TRAPPC9: variants seen among roughly 807,000 people sequenced by gnomAD.
TRAPPC9 encodes the protein IKK2 binding protein.
A neutral mutation model predicts 124.0 loss-of-function variants in TRAPPC9; 83 were observed. The ratio of observed to expected loss-of-function variants is 0.67; its 90% CI spans 0.56 to 0.80. TRAPPC9 has a LOEUF of 0.80. TRAPPC9 is among the 30% of genes least tolerant of loss of function. TRAPPC9 has a pLI of 0.00. For missense variants in TRAPPC9, 1,302 were observed against 1,508.3 expected (o/e 0.86, Z 2.27); for synonymous variants, 638 against 617.5 (o/e 1.03, Z -0.49).
intron 17 of TRAPPC9, among the ~76,000 whole-genome samples, chr8:140,198,550 C>T (rs1467220076): frequency 1.3e-5 from 2 of 152,142 alleles, no homozygotes; most frequent in Non-Finnish European, 2.9e-5. Flanking sequence ...TCAGCACTCC[C>T]GGCTCACTGG....
At chr8:140,038,510 G>A (rs1421156540) in intron 17 of TRAPPC9, among the ~76,000 whole-genome samples, 5 of 152,224 alleles carry the variant, frequency 3.3e-5, no homozygotes, top group Admixed American at 6.5e-5. Flanking sequence ...TACCTGCAGC[G>A]AACAACGCAT....
At chr8:139,822,741 T>G (rs1414726652) in intron 21 of TRAPPC9, among the ~76,000 whole-genome samples, 6 of 152,198 alleles carry the variant, frequency 3.9e-5, no homozygotes, top group Non-Finnish European at 8.8e-5. Flanking sequence ...ACATGGAGTC[T>G]TCAGACACCA....
Position 139,731,238 on chromosome 8 carries a change from G to A in TRAPPC9, c.3280-10C>T, listed in dbSNP as rs1817799120. The A allele has an allele frequency of 3.7e-6, 6 of 1,612,800 alleles. No individual in the cohort carries two copies. The highest frequency in any genetic ancestry group is 1.3e-5 in the African/African-American group (1 of 74,918). On this transcript the variant is annotated splice_polypyrimidine_tract_variant and intron_variant, in intron 22 of 22. Coordinates refer to ENST00000438773, the MANE Select transcript of TRAPPC9 (RefSeq NM_001160372.4). ...GGCCGGACGGCTGCACCTGAGCAGGGAGGAGAAAGACACATCAGTCTGGTC... is the reference window on the plus strand; with the variant it reads ...GGCCGGACGGCTGCACCTGAGCAGGAAGGAGAAAGACACATCAGTCTGGTC...
At chr8:140,065,666 T>C (rs1262445684) in intron 17 of TRAPPC9, among the ~76,000 whole-genome samples, 2 of 152,262 alleles carry the variant, frequency 1.3e-5, no homozygotes, top group African/African-American at 4.8e-5. Context: ...ACAGCGCATC[T>C]GTTTATAGCA....
chr8:140,113,851 A>G (rs2060828471), intron 17 of TRAPPC9, among the ~76,000 whole-genome samples: 1 of 152,188 alleles, frequency 6.6e-6, no homozygotes, highest in South Asian at 2.1e-4. Context: ...CCCTCAACTC[A>G]AAAGACCCTC....
chr8:140,040,917 A>T (rs1587567492), intron 17 of TRAPPC9: 1 of 152,194 alleles, frequency 6.6e-6, no homozygotes, highest in Non-Finnish European at 1.5e-5. Flanking sequence ...CGTTCAACAG[A>T]GGTGTCCACA....
At position 140,451,268 on chromosome 8, in the gene TRAPPC9, T is replaced by C. The variant is rs758750258; in HGVS notation, c.106A>G (p.Lys36Glu). 3 of 1,612,930 alleles carry C rather than the reference T, an allele frequency of 1.9e-6. No individual in the cohort carries two copies. The Admixed American group carries it at 5.0e-5, about 27-fold the overall frequency. Residue 36 changes from lysine to glutamate, a missense_variant, in exon 2 of 23, where the codon AAG becomes GAG. Around this residue, in one of 3 missense-constraint regions of TRAPPC9, gnomAD observed 657 missense variants for 811.2 expected, o/e 0.81. Transcript: ENST00000438773. ...ATCTGACTCACAGAGCAAATCCTCT[T>C]ATAGATCCTGAAGAAGTTCTCCTCG... ...VSEENFFRIYKRICSVSQISV... is the reference protein window; with the variant it reads ...VSEENFFRIYERICSVSQISV...
chr8:140,349,499 T>TG (rs2067477314), intron 9 of TRAPPC9, among the ~76,000 whole-genome samples: 1 of 151,322 alleles, frequency 6.6e-6, no homozygotes, highest in African/African-American at 2.4e-5. Context: ...CAGACGACCC[T>TG]GGCAGAGGTT....
chr8:140,310,522 G>A (rs947091843), intron 10 of TRAPPC9, among the ~76,000 whole-genome samples: 5 of 152,160 alleles, frequency 3.3e-5, no homozygotes, highest in Admixed American at 6.5e-5. Context: ...CCTAAGCCTT[G>A]AGTGGTGAAG....
At chr8:139,964,706 CAT>C (rs10608479) in intron 19 of TRAPPC9, among the ~76,000 whole-genome samples, 76,249 of 151,734 alleles carry the variant, frequency 0.5, 20,431 homozygotes, top group African/African-American at 0.7. Context: ...TTTAAGAAAA[CAT>C]AAAGAGATGA....
Position 140,450,948 on chromosome 8 carries a change from C to A in TRAPPC9, c.426G>T (p.Gln142His). The A allele has an allele frequency of 6.2e-7, 1 of 1,614,208 alleles. No homozygotes were observed. ...VAFYPNYEDC[Q>H]TVEKRIEDFI... ...AGTCCTCGATTCTCTTCTCCACCGT[C>A]TGGCAGTCCTCGTAGTTGGGGTAGA... The change falls in exon 2 of 23, where the codon CAG (glutamine) becomes CAT (histidine). Residue 142 changes from glutamine (Q) to histidine (H), a missense_variant. Physicochemically the swap from Gln to His is conservative, Grantham distance 24 (BLOSUM62 0). Transcript: ENST00000438773.
intron 9 of TRAPPC9, among the ~76,000 whole-genome samples, chr8:140,349,402 G>A (rs1276015932): frequency 1.4e-5 from 2 of 139,898 alleles, no homozygotes; most frequent in East Asian, 2.2e-4. Flanking sequence ...CGATGGGGGC[G>A]CGCGAGGGAA....
chr8:140,327,202 G>A (rs946883615), intron 9 of TRAPPC9, among the ~76,000 whole-genome samples: 5 of 151,908 alleles, frequency 3.3e-5, no homozygotes, highest in African/African-American at 1.2e-4. Context: ...GCAGTGAGCT[G>A]AGATCACGCC....
intron 18 of TRAPPC9, among the ~76,000 whole-genome samples, chr8:139,993,049 T>C (rs2941569): frequency 0.64 from 97,783 of 152,010 alleles, 35,072 homozygotes; most frequent in East Asian, 0.89. Flanking sequence ...AAGAATAAAA[T>C]GTTTGGCTGC....
intron 7 of TRAPPC9, among the ~76,000 whole-genome samples, chr8:140,390,565 C>G (rs2068897095): frequency 6.6e-6 from 1 of 152,178 alleles, no homozygotes; most frequent in Admixed American, 6.5e-5. Context: ...ATCTGAAACT[C>G]CAGCCTAAGG....
chr8:140,450,110 C>T (rs1226574383), intron 2 of TRAPPC9, among the ~76,000 whole-genome samples: 1 of 152,184 alleles, frequency 6.6e-6, no homozygotes, highest in Non-Finnish European at 1.5e-5. Flanking sequence ...CCTGTAATCC[C>T]AGCACTTTGG....
intron 18 of TRAPPC9, among the ~76,000 whole-genome samples, chr8:140,012,946 G>A (rs1318082036): frequency 1.3e-5 from 2 of 152,194 alleles, no homozygotes; most frequent in Non-Finnish European, 2.9e-5. Context: ...AGCAGGGTGT[G>A]TAGCAAGGCA....
chr8:140,007,191 C>G (rs1838815898), intron 18 of TRAPPC9, among the ~76,000 whole-genome samples: 1 of 152,120 alleles, frequency 6.6e-6, no homozygotes, highest in Non-Finnish European at 1.5e-5. Context: ...CTAATTTGTG[C>G]CCACGAGGGA....
chr8:140,382,943 C>G (rs557049743), intron 7 of TRAPPC9, among the ~76,000 whole-genome samples: 2 of 152,188 alleles, frequency 1.3e-5, no homozygotes, highest in African/African-American at 4.8e-5. Context: ...CTCACATGGC[C>G]GGGTAGCCCT....
Sources: gnomAD v4.1 joint callset for allele counts (sites outside exome capture counted in the v4.1 genomes callset) on GRCh38, gnomAD v4.1.1 for gene constraint, gnomAD v4.1.1 regional missense constraint, MANE v1.5 for transcripts, NCBI Gene and HGNC (gene_info 2026-07-23, HGNC 2026-07-21) for gene names.